Variants in CDC42BPA observed in about 807,000 individuals in gnomAD.
The protein encoded by CDC42BPA is CDC42 binding protein kinase alpha, also known as serine/threonine-protein kinase MRCK alpha.
A neutral mutation model predicts 223.5 loss-of-function variants in CDC42BPA; 80 were observed. The ratio of observed to expected loss-of-function variants is 0.36; its 90% confidence interval spans 0.30 to 0.43. The LOEUF is 0.43. Ranked by LOEUF, CDC42BPA falls within the 20% of genes least tolerant of loss-of-function variation. CDC42BPA has a pLI of 1.00. For missense variants in CDC42BPA, 1,743 were observed against 2,099.9 expected, an observed-to-expected ratio of 0.83 and a Z score of 3.32; for synonymous variants, 694 against 718.6, an observed-to-expected ratio of 0.97 and a Z score of 0.55.
At chr1:227,122,094 C>T (rs1319316617) in intron 11 of CDC42BPA, among the ~76,000 whole-genome samples, 1 of 152,142 alleles carries the variant, frequency 6.6e-6, no homozygotes, top group East Asian at 1.9e-4. Flanking sequence ...AGCCACTGCC[C>T]CTTGCCCGGA....
At chr1:226,995,210 A>T (rs1207304105) in intron 35 of CDC42BPA, among the ~76,000 whole-genome samples, 2 of 152,014 alleles carry the variant, frequency 1.3e-5, no homozygotes, top group Non-Finnish European at 2.9e-5. Flanking sequence ...GTGAGCGAGC[A>T]CTCTCTAGGC....
At chr1:227,126,562 A>G (rs1689691868) in intron 11 of CDC42BPA, among the ~76,000 whole-genome samples, 1 of 152,130 alleles carries the variant, frequency 6.6e-6, no homozygotes, top group Non-Finnish European at 1.5e-5. Flanking sequence ...ACTAAAGACT[A>G]ATATCCTTCA....
intron 3 of CDC42BPA, among the ~76,000 whole-genome samples, chr1:227,204,842 G>A (rs974195935): frequency 1.1e-4 from 17 of 151,584 alleles, no homozygotes; most frequent in African/African-American, 3.9e-4. Context: ...TCACACTACC[G>A]ATAAACTCAC....
intron 2 of CDC42BPA, among the ~76,000 whole-genome samples, chr1:227,225,496 AC>A (rs1373849858): frequency 6.6e-6 from 1 of 152,222 alleles, no homozygotes; most frequent in Non-Finnish European, 1.5e-5. Context: ...CAGAGATTGC[AC>A]TTTATTGGTG....
At chr1:227,181,327 C>T (rs1224802077) in intron 5 of CDC42BPA, among the ~76,000 whole-genome samples, 1 of 152,096 alleles carries the variant, frequency 6.6e-6, no homozygotes, top group Non-Finnish European at 1.5e-5. Flanking sequence ...ATATTAAGAT[C>T]TTCATATTGC....
intron 2 of CDC42BPA, among the ~76,000 whole-genome samples, chr1:227,214,554 T>C (rs1674500365): frequency 6.6e-6 from 1 of 152,200 alleles, no homozygotes; most frequent in Admixed American, 6.5e-5. Flanking sequence ...AGCTATTGCT[T>C]AGACTCTAAA....
chr1:227,267,537 T>C (rs1257085737), intron 1 of CDC42BPA, among the ~76,000 whole-genome samples: 1 of 152,204 alleles, frequency 6.6e-6, no homozygotes, highest in Non-Finnish European at 1.5e-5. Flanking sequence ...TCTATACCCA[T>C]CAGACAGGCG....
At chr1:227,272,350 T>G (rs897417059) in intron 1 of CDC42BPA, among the ~76,000 whole-genome samples, 3 of 152,124 alleles carry the variant, frequency 2.0e-5, no homozygotes, top group Non-Finnish European at 1.5e-5. Flanking sequence ...AGAAGTTTTC[T>G]AAACAGAATG....
chr1:227,090,042 A>T (rs879411908), intron 16 of CDC42BPA, among the ~76,000 whole-genome samples: 1 of 152,160 alleles, frequency 6.6e-6, no homozygotes, highest in African/African-American at 2.4e-5. Context: ...ATAAAGTTCA[A>T]ATATTGTTAG....
At chr1:227,298,087 GTT>G (rs112464502) in intron 1 of CDC42BPA, among the ~76,000 whole-genome samples, 8,078 of 148,678 alleles carry the variant, frequency 0.054, 247 homozygotes, top group Non-Finnish European at 0.073. Context: ...TATATACAAT[GTT>G]TTTTTTTATC....
intron 1 of CDC42BPA, among the ~76,000 whole-genome samples, chr1:227,287,162 CAT>C (rs1418468126): frequency 6.6e-6 from 1 of 152,206 alleles, no homozygotes; most frequent in Non-Finnish European, 1.5e-5. Context: ...CATGAACACA[CAT>C]TCCTGACAAT....
intron 8 of CDC42BPA, 74 bp downstream of exon 8, chr1:227,145,415 A>C: frequency 7.3e-7 from 1 of 1,375,160 alleles, no homozygotes; most frequent in Admixed American, 2.2e-5. Flanking sequence ...AAATACTTAT[A>C]AACCAAAAAA....
At chr1:227,245,282 A>ATTTTTTTTT (rs1558857197) in intron 2 of CDC42BPA, among the ~76,000 whole-genome samples, 3 of 129,396 alleles carry the variant, frequency 2.3e-5, no homozygotes, top group Admixed American at 8.4e-5. Flanking sequence ...TTTGTCTTGC[A>ATTTTTTTTT]TCTTTTTTTT....
intron 32 of CDC42BPA, among the ~76,000 whole-genome samples, chr1:227,020,252 C>T (rs559332536): frequency 1.3e-5 from 2 of 152,282 alleles, no homozygotes; most frequent in South Asian, 4.1e-4. Context: ...TGAGTACTGG[C>T]TTCAACGTAA....
chr1:227,028,782 C>A lies in CDC42BPA; in HGVS notation c.4307G>T (p.Cys1436Phe). The A allele has an allele frequency of 1.2e-6, 2 of 1,614,016 alleles. No homozygotes were observed. Among genetic ancestry groups the A allele is most frequent in the Non-Finnish European group, 1.7e-6 (2 of 1,179,872 alleles). The change falls in exon 30 of 37, where the codon TGC (cysteine) becomes TTC (phenylalanine). Residue 1436 changes from cysteine to phenylalanine, a missense_variant. Cys to Phe is a radical substitution (Grantham distance 205). Around this residue, in one of 6 missense-constraint regions of CDC42BPA, gnomAD observed 678 missense variants for 777.5 expected, o/e 0.87. Transcript: ENST00000366766. ...FIAHQPMDAI[C>F]AVEISSKEYL... ...TTCTTTACTGGAGATCTCAACTGCG[C>A]AGATAGCATCCATTGGTTGATGTGC...
At chr1:227,144,736 G>A (rs1221776513) in intron 8 of CDC42BPA, among the ~76,000 whole-genome samples, 1 of 152,090 alleles carries the variant, frequency 6.6e-6, no homozygotes, top group Non-Finnish European at 1.5e-5. Context: ...TGGCTCACAA[G>A]TTAAGAATGG....
intron 35 of CDC42BPA, among the ~76,000 whole-genome samples, chr1:227,002,192 T>C (rs1663003968): frequency 6.6e-6 from 1 of 152,228 alleles, no homozygotes; most frequent in African/African-American, 2.4e-5. Context: ...CCTCAAGGGT[T>C]TCAGGTAAGG....
intron 1 of CDC42BPA, among the ~76,000 whole-genome samples, chr1:227,287,650 G>T (rs1450521956): frequency 6.6e-6 from 1 of 152,156 alleles, no homozygotes; most frequent in African/African-American, 2.4e-5. Context: ...AGGCTAGGCA[G>T]AGGGTTCCTA....
chr1:227,303,900 G>T (rs560904958), intron 1 of CDC42BPA, among the ~76,000 whole-genome samples: 1 of 152,290 alleles, frequency 6.6e-6, no homozygotes, highest in South Asian at 2.1e-4. Flanking sequence ...ATCATCACCA[G>T]ACTCTAAAGT....
Sources: gnomAD v4.1 joint callset for allele counts (sites outside exome capture counted in the v4.1 genomes callset) on GRCh38, gnomAD v4.1.1 for gene constraint, gnomAD v4.1.1 regional missense constraint, MANE v1.5 for transcripts, NCBI Gene and HGNC (gene_info 2026-07-23, HGNC 2026-07-21) for gene names.